The following PTPRT variants were observed in gnomAD, a reference collection of about 807,000 sequenced individuals.
PTPRT encodes the protein protein tyrosine phosphatase receptor type T.
In PTPRT, 56 loss-of-function variants were observed where a neutral mutation model predicts 176.8. That is an observed-to-expected ratio of 0.32 (90% CI 0.26 to 0.40). The LOEUF (loss-of-function observed/expected upper bound fraction) is 0.40. Among genes scored for constraint, PTPRT ranks in the 10% least tolerant of loss-of-function variants. The pLI is 1.00. For synonymous variants in PTPRT, 783 were observed against 739.0 expected (o/e 1.06, Z -0.96); for missense variants, 1,540 against 1,908.2 (o/e 0.81, Z 3.60).
chr20:42,495,682 A>C (rs1409433149), intron 7 of PTPRT, among the ~76,000 whole-genome samples: 1 of 152,216 alleles, frequency 6.6e-6, no homozygotes. Context: ...AAGCTATTTA[A>C]GACATAGGGG....
intron 7 of PTPRT, among the ~76,000 whole-genome samples, chr20:42,563,831 A>C (rs1216236232): frequency 6.6e-6 from 1 of 152,226 alleles, no homozygotes; most frequent in Non-Finnish European, 1.5e-5. Context: ...TGTTCTATTC[A>C]GGGTAAGTGA....
In PTPRT at chr20:43,189,699, A is replaced by G; in HGVS notation, c.35T>C (p.Leu12Pro). 1 of 1,315,306 alleles carries G rather than the reference A, an allele frequency of 7.6e-7. No individual in the cohort carries two copies. Among genetic ancestry groups the G allele is most frequent in the South Asian group, 2.0e-5 (1 of 49,248 alleles). 81.5% of individuals were successfully genotyped at this position (1,315,306 alleles called of 1,614,324 possible). A position where few individuals can be genotyped will look rare whatever the true frequency, so the allele number is the denominator to read the frequency against. The change falls in exon 1 of 31, where the codon CTC becomes CCC. Residue 12 changes from leucine to proline, a missense_variant. By Grantham distance (98) the Leu-to-Pro change is moderately conservative. Coordinates refer to ENST00000373187, the MANE Select transcript of PTPRT (RefSeq NM_007050.6). This position sits in a 1 kb window ranked among gnomAD's most constrained non-coding sequence, Gnocchi z 5.0. ...CAGTGGCGGCAGCTGCAGCCTCAGG[A>G]GCAGGCTGAGGGCGAGCGCGGCGAG... The part of the protein sequence containing the change: ...ASLAALALSL[L>P]LRLQLPPLPG...
At chr20:42,546,561 C>T (rs868229208) in intron 7 of PTPRT, among the ~76,000 whole-genome samples, 11 of 152,102 alleles carry the variant, frequency 7.2e-5, no homozygotes, top group Non-Finnish European at 1.5e-4. Flanking sequence ...GTGTTTCCAA[C>T]TTAACTAACT....
intron 7 of PTPRT, among the ~76,000 whole-genome samples, chr20:42,671,450 T>A (rs1185960153): frequency 6.6e-6 from 1 of 152,198 alleles, no homozygotes; most frequent in Non-Finnish European, 1.5e-5. Context: ...CTGTTGGGGA[T>A]GTGCTGGAGG....
intron 4 of PTPRT, among the ~76,000 whole-genome samples, chr20:42,774,925 T>C (rs981226642): frequency 6.6e-6 from 1 of 152,154 alleles, no homozygotes; most frequent in Non-Finnish European, 1.5e-5. Context: ...ACCCTCCTTT[T>C]TCCATGCCCC....
At chr20:42,537,385 C>G (rs2072495493) in intron 7 of PTPRT, among the ~76,000 whole-genome samples, 1 of 152,158 alleles carries the variant, frequency 6.6e-6, no homozygotes, top group Admixed American at 6.5e-5. Context: ...TATAATCTGT[C>G]AGGTGTTGAC....
chr20:42,919,963 G>A (rs1049393965), intron 1 of PTPRT, among the ~76,000 whole-genome samples: 18 of 152,128 alleles, frequency 1.2e-4, no homozygotes, highest in Non-Finnish European at 2.2e-4. Context: ...GCCAATCCCC[G>A]CCTAGAATTC....
intron 1 of PTPRT, among the ~76,000 whole-genome samples, chr20:43,056,260 C>T (rs1384682048): frequency 1.3e-5 from 2 of 152,194 alleles, no homozygotes; most frequent in Non-Finnish European, 1.5e-5. Context: ...TGGGACGTGG[C>T]TACCTACCAG....
intron 2 of PTPRT, among the ~76,000 whole-genome samples, chr20:42,834,960 TA>T (rs1417573976): frequency 6.6e-6 from 1 of 152,212 alleles, no homozygotes; most frequent in Non-Finnish European, 1.5e-5. Flanking sequence ...GCAAGATATT[TA>T]AATTATTTTT....
chr20:42,148,257 GTCATTTTTT>G (rs1018038376), intron 17 of PTPRT, among the ~76,000 whole-genome samples: 9 of 132,832 alleles, frequency 6.8e-5, no homozygotes, highest in Non-Finnish European at 1.4e-4. Context: ...TTCCAAGGCA[GTCATTTTTT>G]TTTTTTTTTT....
intron 9 of PTPRT, among the ~76,000 whole-genome samples, chr20:42,375,432 C>T (rs914182350): frequency 2.0e-5 from 3 of 152,102 alleles, no homozygotes; most frequent in Non-Finnish European, 4.4e-5. Flanking sequence ...GTTTTGCCAT[C>T]GTAAAAGGCT....
At chr20:42,083,742 T>C (rs1983595590) in intron 29 of PTPRT, among the ~76,000 whole-genome samples, 1 of 152,238 alleles carries the variant, frequency 6.6e-6, no homozygotes, top group African/African-American at 2.4e-5. Context: ...CGTTCAAATT[T>C]CCTTTAACAT....
At chr20:42,937,027 C>A (rs1980231509) in intron 1 of PTPRT, among the ~76,000 whole-genome samples, 1 of 152,174 alleles carries the variant, frequency 6.6e-6, no homozygotes, top group African/African-American at 2.4e-5. Context: ...CCTGCAAGTG[C>A]CTAACACCTC....
intron 23 of PTPRT, among the ~76,000 whole-genome samples, chr20:42,107,958 C>CTTAAG (rs1986624549): frequency 6.6e-6 from 1 of 152,146 alleles, no homozygotes; most frequent in Non-Finnish European, 1.5e-5. Flanking sequence ...TGAAGTCTGA[C>CTTAAG]TTAAGTTTGC....
At chr20:42,297,068 G>A (rs979638431) in intron 12 of PTPRT, among the ~76,000 whole-genome samples, 6 of 151,930 alleles carry the variant, frequency 3.9e-5, no homozygotes, top group African/African-American at 7.2e-5. Flanking sequence ...GCTATAAACA[G>A]TAAATGAAAA....
Position 42,236,268 on chromosome 20 carries a change from G to T in PTPRT, c.2313-10C>A. 1 of 1,589,520 alleles carries T rather than the reference G, an allele frequency of 6.3e-7. No individual in the cohort carries two copies. Among genetic ancestry groups the T allele is most frequent in the Non-Finnish European group, 8.6e-7 (1 of 1,159,266 alleles). On this transcript the variant is annotated splice_polypyrimidine_tract_variant and intron_variant, in intron 14 of 30. Coordinates refer to ENST00000373187, the MANE Select transcript of PTPRT (RefSeq NM_007050.6). ...GGAATAAGCATTTCTTCTATATATT[G>T]ATGGGCAGTCAGATGAAGGAAATGT...
At chr20:42,939,742 G>A (rs1198332464) in intron 1 of PTPRT, among the ~76,000 whole-genome samples, 1 of 152,162 alleles carries the variant, frequency 6.6e-6, no homozygotes, top group Non-Finnish European at 1.5e-5. Context: ...TAAAAAATGA[G>A]TGAATAAATG....
chr20:42,921,653 A>C lies in PTPRT; in HGVS notation c.89-35721T>G, dbSNP rs1007434722. ...CATCTAACAGTCATACATGTTCACTATCTCTTTGCTGTGCCTCAGAACGAG... is the reference window on the plus strand; with the variant it reads ...CATCTAACAGTCATACATGTTCACTCTCTCTTTGCTGTGCCTCAGAACGAG... On this transcript the variant is annotated intron_variant, in intron 1 of 30. Coordinates refer to ENST00000373187, the MANE Select transcript of PTPRT (RefSeq NM_007050.6). Among the ~76,000 whole-genome samples, 6 of 152,334 alleles carry C rather than the reference A, an allele frequency of 3.9e-5. No individual in the cohort carries two copies. The East Asian group carries it at 9.6e-4, about 24-fold the overall frequency.
intron 11 of PTPRT, among the ~76,000 whole-genome samples, chr20:42,349,691 T>C (rs1419590354): frequency 2.0e-5 from 3 of 152,240 alleles, no homozygotes; most frequent in Non-Finnish European, 4.4e-5. Context: ...TTATGCTTGA[T>C]GAATTGAACT....
Sources: allele counts gnomAD v4.1 joint callset (sites outside exome capture counted in the v4.1 genomes callset), GRCh38; gene constraint gnomAD v4.1.1; non-coding constraint Gnocchi (gnomAD v3.1); transcripts MANE v1.5; gene names NCBI Gene and HGNC (gene_info 2026-07-23, HGNC 2026-07-21).